ST3GAL4: variants seen among roughly 807,000 people sequenced by gnomAD.
ST3GAL4 encodes the protein CMP-N-acetylneuraminate-beta-galactosamide-alpha-2,3-sialyltransferase 4.
In ST3GAL4, 24 loss-of-function variants were observed where a neutral mutation model predicts 42.6. The ratio of observed to expected loss-of-function variants is 0.56; its 90% CI spans 0.41 to 0.79. The LOEUF (loss-of-function observed/expected upper bound fraction) is 0.79, where lower values mean the gene tolerates loss of function less well. ST3GAL4 is among the 30% of genes least tolerant of loss of function. The pLI, the probability that ST3GAL4 is intolerant of heterozygous loss-of-function variation, is 0.00. For missense variants in ST3GAL4, 311 were observed against 430.8 expected (o/e 0.72, Z 2.46); for synonymous variants, 135 against 163.2 (o/e 0.83, Z 1.32).
intron 9 of ST3GAL4, among the ~76,000 whole-genome samples, chr11:126,413,121 G>A (rs939636091): frequency 5.0e-4 from 76 of 151,994 alleles, no homozygotes; most frequent in African/African-American, 1.8e-3. Flanking sequence ...AGATGGGGGG[G>A]TCTCACTATG....
intron 1 of ST3GAL4, among the ~76,000 whole-genome samples, chr11:126,357,736 G>A (rs1460217190): frequency 1.3e-5 from 2 of 152,214 alleles, no homozygotes. Flanking sequence ...CTGTCATTCT[G>A]TCCTAACTCC....
rs189243574 is a variant in ST3GAL4, at chr11:126,412,621, C to T, written c.772-884C>T. Reference sequence around the variant, plus strand: ...CTTTGGGAGGCAGAGGTGGGTGGATCGCTTGAGCCCAGGAGTTCGAGATCA... The same window carrying T: ...CTTTGGGAGGCAGAGGTGGGTGGATTGCTTGAGCCCAGGAGTTCGAGATCA... On this transcript the variant is annotated intron_variant, in intron 9 of 10. Coordinates refer to ENST00000444328, the MANE Select transcript of ST3GAL4 (RefSeq NM_001254757.2). 1.8e-3 allele frequency among the ~76,000 whole-genome samples: 280 copies of T among 152,272 alleles called. 1 individual carries two copies. In the Middle Eastern group the frequency reaches 0.027, roughly 15 times the overall value.
In ST3GAL4 at chr11:126,400,569, G is replaced by A. The variant is rs557019169; in HGVS notation, c.-60-5527G>A. Reference sequence around the variant, plus strand: ...AGATGCGTTTGCAGTTCTCATGGCCGCAGACTGAAGGGGCCTGGTTACCTA... The same window carrying A: ...AGATGCGTTTGCAGTTCTCATGGCCACAGACTGAAGGGGCCTGGTTACCTA... On this transcript the variant is annotated intron_variant, in intron 1 of 10. Transcript: ENST00000444328. The surrounding 1 kb of genome is among the most constrained non-coding windows in gnomAD (Gnocchi z 4.6). Among the ~76,000 whole-genome samples the A allele has an allele frequency of 3.9e-5, 6 of 152,194 alleles. No individual in the cohort carries two copies. The highest frequency in any genetic ancestry group is 8.8e-5 in the Non-Finnish European group (6 of 68,040).
At chr11:126,395,964 G>A (rs1485057609) in intron 1 of ST3GAL4, among the ~76,000 whole-genome samples, 3 of 151,126 alleles carry the variant, frequency 2.0e-5, no homozygotes, top group Non-Finnish European at 2.9e-5. Context: ...AAGGACCCGG[G>A]CTCTCCCCGT....
In ST3GAL4 at chr11:126,406,826, A is replaced by T; in HGVS notation, c.102-117A>T. 3.8e-6 allele frequency: 4 copies of T among 1,050,040 alleles called. No individual in the cohort carries two copies. Among genetic ancestry groups the T allele is most frequent in the Non-Finnish European group, 5.7e-6 (4 of 695,816 alleles). The allele number at this position is 1,050,040 out of a possible 1,614,324, so 65.0% of individuals were successfully genotyped here. ...GGTTCCAAGTGGAACTTAACTTGAG[A>T]TGATTCCTCCCCGGCACCTTGGGAC... On this transcript the variant is annotated intron_variant, in intron 3 of 10. Transcript: ENST00000444328. The surrounding 1 kb of genome is among the most constrained non-coding windows in gnomAD (Gnocchi z 5.4).
At position 126,411,623 on chromosome 11, in the gene ST3GAL4, A is replaced by G. The variant is rs1954530577; in HGVS notation, c.772-1882A>G. The stretch of plus-strand genomic sequence containing the variant: ...TTCTCATCTGGAAGCTTGGGGGAAA[A>G]TTTTGCTTCCAGGCTCATTCTTGTG... On this transcript the variant is annotated intron_variant, in intron 9 of 10. Coordinates refer to ENST00000444328, the MANE Select transcript of ST3GAL4 (RefSeq NM_001254757.2). The surrounding 1 kb of genome is among the most constrained non-coding windows in gnomAD (Gnocchi z 6.3). Among the ~76,000 whole-genome samples, 4 of 151,928 alleles carry G rather than the reference A, an allele frequency of 2.6e-5. No individual in the cohort carries two copies. The highest frequency in any genetic ancestry group is 4.2e-4 in the South Asian group (2 of 4,816).
At chr11:126,362,550 G>C (rs568481281) in intron 1 of ST3GAL4, among the ~76,000 whole-genome samples, 1 of 152,092 alleles carries the variant, frequency 6.6e-6, no homozygotes, top group South Asian at 2.1e-4. Flanking sequence ...TCCAGTGCCC[G>C]GACTCCAGCA....
chr11:126,375,522 G>A (rs546282506), intron 1 of ST3GAL4, among the ~76,000 whole-genome samples: 577 of 152,214 alleles, frequency 3.8e-3, no homozygotes, highest in African/African-American at 0.012. Context: ...TGCCAGCTCC[G>A]CTCCTCACGA....
rs1452673321 is a variant in ST3GAL4 at position 126,386,606 on chromosome 11, G to A, written c.-60-19490G>A. 6.6e-6 allele frequency among the ~76,000 whole-genome samples: 1 copy of A among 152,124 alleles called. No homozygotes were observed. Among genetic ancestry groups the A allele is most frequent in the Non-Finnish European group, 1.5e-5 (1 of 68,026 alleles). On this transcript the variant is annotated intron_variant, in intron 1 of 10. Coordinates refer to ENST00000444328, the MANE Select transcript of ST3GAL4 (RefSeq NM_001254757.2). This position sits in a 1 kb window ranked among gnomAD's most constrained non-coding sequence, Gnocchi z 4.7. ...GCCAGCTGTGCCGGAATTAGGAAGTGGGTACAGCTGGACAAAAGGTGGCTG... is the reference window on the plus strand; with the variant it reads ...GCCAGCTGTGCCGGAATTAGGAAGTAGGTACAGCTGGACAAAAGGTGGCTG...
chr11:126,378,504 G>A lies in ST3GAL4; in HGVS notation c.-61+22662G>A, dbSNP rs1952897018. 3.3e-5 allele frequency among the ~76,000 whole-genome samples: 5 copies of A among 152,258 alleles called. No individual in the cohort carries two copies. Among genetic ancestry groups the A allele is most frequent in the African/African-American group, 1.2e-4 (5 of 41,550 alleles). On this transcript the variant is annotated intron_variant, in intron 1 of 10. Coordinates refer to ENST00000444328, the MANE Select transcript of ST3GAL4 (RefSeq NM_001254757.2). The surrounding 1 kb of genome is among the most constrained non-coding windows in gnomAD (Gnocchi z 5.3). ...GCTCACTGCAACCTCTGCTTCCCGGGTTCATGCGATTCTCCTGCCTCAGCC... is the reference window on the plus strand; with the variant it reads ...GCTCACTGCAACCTCTGCTTCCCGGATTCATGCGATTCTCCTGCCTCAGCC...
Position 126,406,573 on chromosome 11 carries a change from A to T in ST3GAL4, c.101+16A>T, listed in dbSNP as rs779877285. On this transcript the variant is annotated intron_variant, in intron 3 of 10. Coordinates refer to ENST00000444328, the MANE Select transcript of ST3GAL4 (RefSeq NM_001254757.2). The surrounding 1 kb of genome is among the most constrained non-coding windows in gnomAD (Gnocchi z 5.4). Reference sequence around the variant, plus strand: ...ACATCGAGCTGTGAGTTCACCTTCCATGTCCTTCCAGTGGCTCTTGTCAGG... The same window carrying T: ...ACATCGAGCTGTGAGTTCACCTTCCTTGTCCTTCCAGTGGCTCTTGTCAGG... The T allele has an allele frequency of 1.2e-6, 2 of 1,614,096 alleles. No homozygotes were observed. The highest frequency in any genetic ancestry group is 3.3e-5 in the Admixed American group (2 of 60,012).
At chr11:126,374,050 T>C (rs1003235736) in intron 1 of ST3GAL4, among the ~76,000 whole-genome samples, 22 of 151,886 alleles carry the variant, frequency 1.4e-4, no homozygotes, top group Non-Finnish European at 2.2e-4. Context: ...TCAACATGGG[T>C]AATACAGCAG....
chr11:126,358,091 A>G (rs1402287862), intron 1 of ST3GAL4, among the ~76,000 whole-genome samples: 1 of 152,256 alleles, frequency 6.6e-6, no homozygotes, highest in Non-Finnish European at 1.5e-5. Context: ...AGCCTAGCCC[A>G]GCTCCTGGCC....
In ST3GAL4 at chr11:126,363,147, T is replaced by C. The variant is rs1176158323; in HGVS notation, c.-61+7305T>C. Among the ~76,000 whole-genome samples, 2 of 152,142 alleles carry C rather than the reference T, an allele frequency of 1.3e-5. No individual in the cohort carries two copies. Among genetic ancestry groups the C allele is most frequent in the East Asian group, 1.9e-4 (1 of 5,178 alleles). On this transcript the variant is annotated intron_variant, in intron 1 of 10. Coordinates refer to ENST00000444328, the MANE Select transcript of ST3GAL4 (RefSeq NM_001254757.2). The surrounding 1 kb of genome is among the most constrained non-coding windows in gnomAD (Gnocchi z 4.6). ...GCGGGTGTTGATGGAGTATGGGAGA[T>C]TGTCCTCACAGGCAGTGTGGGCCGT...
intron 4 of ST3GAL4, 94 bp from the exon 5 acceptor site, chr11:126,407,158 G>A: frequency 2.0e-6 from 3 of 1,496,932 alleles, no homozygotes; most frequent in Non-Finnish European, 2.8e-6. Flanking sequence ...GGAGGGAAGA[G>A]AAGGCCTTAT....
rs1954411913 is a variant in ST3GAL4, at chr11:126,409,276, G to C, written c.636G>C (p.Lys212Asn). Residue 212 changes from lysine (K) to asparagine (N), a missense_variant, in exon 9 of 11, where the codon AAG (lysine) becomes AAC (asparagine). Physicochemically the swap from Lys to Asn is moderately conservative, Grantham distance 94 (BLOSUM62 0). Transcript: ENST00000444328. The surrounding 1 kb of genome is among the most constrained non-coding windows in gnomAD (Gnocchi z 4.9). ...TILSDKKRVRKGFWKQPPLIW... is the reference protein window; with the variant it reads ...TILSDKKRVRNGFWKQPPLIW... ...TGACCCCATCCTCCTAGGTGCGAAA[G>C]GGTTTCTGGAAACAGCCTCCCCTCA... The C allele has an allele frequency of 6.2e-7, 1 of 1,614,194 alleles. No homozygotes were observed. Among genetic ancestry groups the C allele is most frequent in the African/African-American group, 1.3e-5 (1 of 75,058 alleles).
At chr11:126,364,143 C>G (rs1952349376) in intron 1 of ST3GAL4, among the ~76,000 whole-genome samples, 1 of 152,242 alleles carries the variant, frequency 6.6e-6, no homozygotes, top group East Asian at 1.9e-4. Context: ...GAATGGGGAA[C>G]AGCTGCGCTG....
At chr11:126,394,707 G>A (rs1456475906) in intron 1 of ST3GAL4, among the ~76,000 whole-genome samples, 1 of 152,112 alleles carries the variant, frequency 6.6e-6, no homozygotes, top group Non-Finnish European at 1.5e-5. Context: ...TTACTGGCAT[G>A]AGGCACGGGG....
In ST3GAL4 at chr11:126,414,283, G is replaced by A. The variant is rs1565432201; in HGVS notation, c.*236G>A. 3.5e-6 allele frequency: 2 copies of A among 565,096 alleles called. No individual in the cohort carries two copies. Among genetic ancestry groups the A allele is most frequent in the Non-Finnish European group, 3.2e-6 (1 of 314,604 alleles). 35.0% of individuals were successfully genotyped at this position (565,096 alleles called of 1,614,324 possible). On this transcript the variant is annotated 3_prime_UTR_variant, in exon 11 of 11. Transcript: ENST00000444328. ...CGTGGGAGCCCGGCCAGGGCAGGGGGCTCGTTGCTGTGGCACCCCCTCTCT... is the reference window on the plus strand; with the variant it reads ...CGTGGGAGCCCGGCCAGGGCAGGGGACTCGTTGCTGTGGCACCCCCTCTCT...
Sources: gnomAD v4.1 joint callset for allele counts (sites outside exome capture counted in the v4.1 genomes callset) on GRCh38, gnomAD v4.1.1 for gene constraint, Gnocchi (gnomAD v3.1) non-coding constraint, MANE v1.5 for transcripts, NCBI Gene and HGNC (gene_info 2026-07-23, HGNC 2026-07-21) for gene names.